The following ERBIN variants were observed in gnomAD, a reference collection of about 807,000 sequenced individuals.
ERBIN encodes the protein densin-180-like protein.
ERBIN carries 60 observed loss-of-function variants against 158.4 expected under a neutral mutation model. The observed-to-expected ratio is 0.38, with a 90% CI of 0.31 to 0.47. ERBIN has a LOEUF of 0.47. Among genes scored for constraint, ERBIN ranks in the 20% least tolerant of loss-of-function variants. ERBIN has a pLI of 0.99. For missense variants in ERBIN, 1,610 were observed against 1,648.0 expected, an observed-to-expected ratio of 0.98 and a Z score of 0.40; for synonymous variants, 594 against 557.2, an observed-to-expected ratio of 1.07 and a Z score of -0.93.
At chr5:66,052,197 C>CA (rs200101195) in intron 20 of ERBIN, among the ~76,000 whole-genome samples, 1,887 of 59,006 alleles carry the variant, frequency 0.032, 17 homozygotes, top group African/African-American at 0.092. Context: ...GACCCGGTCT[C>CA]AAAAAAAAAA....
At chr5:65,936,391 C>T (rs1744084700) in intron 1 of ERBIN, among the ~76,000 whole-genome samples, 1 of 152,120 alleles carries the variant, frequency 6.6e-6, no homozygotes, top group African/African-American at 2.4e-5. Flanking sequence ...CAAATGGATC[C>T]TTTGGGTGCC....
In ERBIN at chr5:66,082,460, T is replaced by A. The variant is rs1008053721; in HGVS notation, c.*3930T>A. Reference sequence around the variant, plus strand: ...TATTTCAGGATAAAATTTGAGAAACTAGTATCACTGGGGAAGGAAGAAACC... The same window carrying A: ...TATTTCAGGATAAAATTTGAGAAACAAGTATCACTGGGGAAGGAAGAAACC... On this transcript the variant is annotated 3_prime_UTR_variant, in exon 26 of 26. Coordinates refer to ENST00000284037, the MANE Select transcript of ERBIN (RefSeq NM_001253697.2). 2.0e-5 allele frequency: 3 copies of A among 152,210 alleles called. No individual in the cohort carries two copies. Among genetic ancestry groups the A allele is most frequent in the African/African-American group, 4.8e-5 (2 of 41,452 alleles). The allele number at this position is 152,210 out of a possible 1,614,324, so 9.4% of individuals were successfully genotyped here. A position where few individuals can be genotyped will look rare whatever the true frequency, so the allele number is the denominator to read the frequency against.
intron 1 of ERBIN, among the ~76,000 whole-genome samples, chr5:65,942,152 G>C (rs1316102938): frequency 6.6e-6 from 1 of 152,178 alleles, no homozygotes; most frequent in Non-Finnish European, 1.5e-5. Flanking sequence ...GACTAGTCTG[G>C]AGTACCACCT....
chr5:66,066,951 C>T (rs1761059191), intron 21 of ERBIN, among the ~76,000 whole-genome samples: 1 of 152,168 alleles, frequency 6.6e-6, no homozygotes, highest in African/African-American at 2.4e-5. Context: ...ACAGTAAGCT[C>T]ATGTGTTTGG....
At chr5:66,027,005 G>A (rs1756328247) in intron 13 of ERBIN, among the ~76,000 whole-genome samples, 1 of 151,902 alleles carries the variant, frequency 6.6e-6, no homozygotes, top group African/African-American at 2.4e-5. Flanking sequence ...GTTGTAAATT[G>A]GAACAATGTT....
chr5:65,989,720 G>T (rs1246061231), intron 2 of ERBIN, among the ~76,000 whole-genome samples: 1 of 152,200 alleles, frequency 6.6e-6, no homozygotes, highest in African/African-American at 2.4e-5. Flanking sequence ...TGGCCATTAA[G>T]TGTTTACATG....
At position 65,977,514 on chromosome 5, in the gene ERBIN, G is replaced by T. The variant is rs1418159371; in HGVS notation, c.-57-11121G>T. 4.0e-4 allele frequency among the ~76,000 whole-genome samples: 57 copies of T among 144,226 alleles called. 1 individual carries two copies. Among genetic ancestry groups the T allele is most frequent in the Admixed American group, 3.9e-3 (57 of 14,568 alleles). 94.6% of individuals were successfully genotyped at this position (144,226 alleles called of 152,430 possible). On this transcript the variant is annotated intron_variant, in intron 1 of 25. Coordinates refer to ENST00000284037, the MANE Select transcript of ERBIN (RefSeq NM_001253697.2). Reference sequence around the variant, plus strand: ...CGGGCAGAGACGCTCCTCACATCCCGGACGGGGCGGCAGGGCAGAGGTGCT... The same window carrying T: ...CGGGCAGAGACGCTCCTCACATCCCTGACGGGGCGGCAGGGCAGAGGTGCT...
chr5:66,032,059 TATC>T (rs1365203591), intron 14 of ERBIN, among the ~76,000 whole-genome samples: 1 of 152,024 alleles, frequency 6.6e-6, no homozygotes, highest in Non-Finnish European at 1.5e-5. Context: ...TTTGGAAGAA[TATC>T]ATGAGCATAA....
chr5:66,016,582 C>A (rs76676952), intron 7 of ERBIN, among the ~76,000 whole-genome samples: 1 of 151,082 alleles, frequency 6.6e-6, no homozygotes, highest in African/African-American at 2.4e-5. Flanking sequence ...TCAGCCTCTG[C>A]TAATCACCAT....
intron 21 of ERBIN, among the ~76,000 whole-genome samples, chr5:66,061,832 G>C (rs1190916647): frequency 6.6e-6 from 1 of 152,126 alleles, no homozygotes; most frequent in African/African-American, 2.4e-5. Context: ...TGAAATTCTG[G>C]GTTGAAAATT....
chr5:65,996,226 AT>A (rs145234347), intron 4 of ERBIN, among the ~76,000 whole-genome samples: 10 of 91,074 alleles, frequency 1.1e-4, no homozygotes, highest in East Asian at 3.4e-4. Context: ...CTTTTCTCCT[AT>A]TTTTTTTTTC....
At chr5:66,075,293 C>T (rs1761885001) in intron 23 of ERBIN, 63 bp downstream of exon 23, 6 of 1,298,386 alleles carry the variant, frequency 4.6e-6, no homozygotes, top group Non-Finnish European at 6.6e-6. Context: ...TTATAGGTTA[C>T]TTAATTATTA....
intron 13 of ERBIN, among the ~76,000 whole-genome samples, chr5:66,027,196 T>A (rs955922478): frequency 6.6e-6 from 1 of 152,022 alleles, no homozygotes; most frequent in African/African-American, 2.4e-5. Flanking sequence ...AAGACTCAGA[T>A]TTAAGGTGAC....
In ERBIN at chr5:66,053,633, C is replaced by T; in HGVS notation, c.2315C>T (p.Thr772Ile). The T allele has an allele frequency of 6.2e-7, 1 of 1,612,480 alleles. No homozygotes were observed. Among genetic ancestry groups the T allele is most frequent in the Non-Finnish European group, 8.5e-7 (1 of 1,179,498 alleles). The change falls in exon 21 of 26, where the codon ACT becomes ATT. Residue 772 changes from threonine (T) to isoleucine (I), a missense_variant. By Grantham distance (89) the Thr-to-Ile change is moderately conservative. Around this residue, in one of 2 missense-constraint regions of ERBIN, gnomAD observed 1,014 missense variants for 936.1 expected, o/e 1.08. Coordinates refer to ENST00000284037, the MANE Select transcript of ERBIN (RefSeq NM_001253697.2). ...HINMNLNKLITNDTFQPEIME... is the reference protein window; with the variant it reads ...HINMNLNKLIINDTFQPEIME... The stretch of plus-strand genomic sequence containing the variant: ...AATATGAATCTTAATAAACTTATAA[C>T]TAATGATACATTTCAACCAGAGATC...
At chr5:66,045,078 C>G (rs1010025395) in intron 17 of ERBIN, among the ~76,000 whole-genome samples, 18 of 151,822 alleles carry the variant, frequency 1.2e-4, no homozygotes, top group African/African-American at 4.1e-4. Context: ...ATTATCTGGG[C>G]ATGGTGGCAT....
intron 1 of ERBIN, among the ~76,000 whole-genome samples, chr5:65,975,433 A>G (rs879641715): frequency 3.9e-5 from 6 of 152,078 alleles, no homozygotes; most frequent in African/African-American, 7.2e-5. Context: ...AGCCTCCTGA[A>G]TAGCTGGAAT....
intron 1 of ERBIN, among the ~76,000 whole-genome samples, chr5:65,971,692 T>C (rs996950921): frequency 1.2e-4 from 19 of 152,208 alleles, no homozygotes; most frequent in African/African-American, 4.3e-4. Flanking sequence ...GCATTCTCTT[T>C]CTATGTCCAT....
chr5:66,078,564 A>G lies in ERBIN; in HGVS notation c.*34A>G. 1 of 1,252,210 alleles carries G rather than the reference A, an allele frequency of 8.0e-7. No homozygotes were observed. The highest frequency in any genetic ancestry group is 1.2e-6 in the Non-Finnish European group (1 of 855,296). The allele number at this position is 1,252,210 out of a possible 1,614,324, so 77.6% of individuals were successfully genotyped here. On this transcript the variant is annotated 3_prime_UTR_variant, in exon 26 of 26. Transcript: ENST00000284037. ...GACAAAAAAAGCGGGGAAGACAGCA[A>G]GATTTATTGGAAGATACTTACAGGG...
chr5:65,932,895 C>T (rs1221658826), intron 1 of ERBIN, among the ~76,000 whole-genome samples: 3 of 152,104 alleles, frequency 2.0e-5, no homozygotes, highest in Non-Finnish European at 4.4e-5. Flanking sequence ...CTCCTGGGCT[C>T]AAGCTATCCT....
Sources: allele counts gnomAD v4.1 joint callset (sites outside exome capture counted in the v4.1 genomes callset), GRCh38; gene constraint gnomAD v4.1.1; regional missense constraint gnomAD v4.1.1; transcripts MANE v1.5; gene names NCBI Gene and HGNC (gene_info 2026-07-23, HGNC 2026-07-21).